The following IGF2BP3 variants were observed in gnomAD, a reference collection of about 807,000 sequenced individuals.
IGF2BP3 encodes insulin-like growth factor 2 mRNA-binding protein 3.
Under a neutral mutation model 73.8 loss-of-function variants are expected in IGF2BP3, and 9 were observed. The ratio of observed to expected loss-of-function variants is 0.12; its 90% CI spans 0.07 to 0.21. The LOEUF (loss-of-function observed/expected upper bound fraction) is 0.21. IGF2BP3 is among the 10% of genes least tolerant of loss of function. The probability of loss-of-function intolerance (pLI) is 1.00; values close to 1 mark genes in which losing one functional copy is unlikely to be tolerated. For synonymous variants in IGF2BP3, 258 were observed against 256.7 expected (o/e 1.01, Z -0.05); for missense variants, 542 against 714.0 (o/e 0.76, Z 2.75).
intron 2 of IGF2BP3, among the ~76,000 whole-genome samples, chr7:23,463,472 G>C (rs1788496449): frequency 6.6e-6 from 1 of 152,188 alleles, no homozygotes; most frequent in African/African-American, 2.4e-5. Flanking sequence ...AAAAACCCCA[G>C]ATCTCTGTAA....
intron 12 of IGF2BP3, among the ~76,000 whole-genome samples, chr7:23,316,212 G>C (rs536679842): frequency 1.3e-5 from 2 of 152,042 alleles, no homozygotes; most frequent in East Asian, 1.9e-4. Context: ...CACCTCCTTC[G>C]TTTCCCATTC....
intron 3 of IGF2BP3, among the ~76,000 whole-genome samples, chr7:23,383,057 ACT>A (rs1455293945): frequency 2.0e-5 from 3 of 152,138 alleles, no homozygotes; most frequent in African/African-American, 7.2e-5. Context: ...ACAGAGCGAG[ACT>A]CTGTCTCAAA....
intron 10 of IGF2BP3, among the ~76,000 whole-genome samples, chr7:23,327,893 G>A (rs1255611623): frequency 6.6e-6 from 1 of 152,120 alleles, no homozygotes; most frequent in Admixed American, 6.5e-5. Flanking sequence ...GAGAGATACT[G>A]ATCACCAACG....
chr7:23,383,007 A>C (rs947207407), intron 3 of IGF2BP3, among the ~76,000 whole-genome samples: 6 of 151,410 alleles, frequency 4.0e-5, no homozygotes, highest in Admixed American at 3.3e-4. Context: ...CAGGAAATAG[A>C]GGTGAGCTAT....
At chr7:23,360,318 T>C (rs1452656245) in intron 5 of IGF2BP3, among the ~76,000 whole-genome samples, 6 of 152,190 alleles carry the variant, frequency 3.9e-5, no homozygotes, top group Non-Finnish European at 7.3e-5. Context: ...CTGCGATTAA[T>C]CAAAGTCATG....
chr7:23,458,446 G>A (rs1418862093), intron 2 of IGF2BP3, among the ~76,000 whole-genome samples: 1 of 151,634 alleles, frequency 6.6e-6, no homozygotes, highest in African/African-American at 2.4e-5. Context: ...GCATGTCAGG[G>A]TCATACAAAA....
chr7:23,389,450 C>T (rs1045478732), intron 3 of IGF2BP3, among the ~76,000 whole-genome samples: 6 of 152,002 alleles, frequency 3.9e-5, no homozygotes, highest in Non-Finnish European at 8.8e-5. Context: ...GGTGAGCCAC[C>T]ATACCCGACT....
chr7:23,393,551 A>G (rs1435290065), intron 3 of IGF2BP3, among the ~76,000 whole-genome samples: 3 of 152,174 alleles, frequency 2.0e-5, no homozygotes, highest in Non-Finnish European at 4.4e-5. Flanking sequence ...AAACAGGCTG[A>G]GAGGGGTCAG....
intron 2 of IGF2BP3, among the ~76,000 whole-genome samples, chr7:23,430,005 A>G (rs1000977075): frequency 6.6e-6 from 1 of 152,156 alleles, no homozygotes; most frequent in African/African-American, 2.4e-5. Flanking sequence ...TATAAGACAG[A>G]TACTGACATA....
At chr7:23,428,528 A>AAT (rs1554334302) in intron 2 of IGF2BP3, among the ~76,000 whole-genome samples, 14 of 146,506 alleles carry the variant, frequency 9.6e-5, no homozygotes, top group Middle Eastern at 3.6e-3. Flanking sequence ...AGAAAAAAAA[A>AAT]ATATATATAT....
At chr7:23,367,660 T>C (rs1785418473) in intron 3 of IGF2BP3, among the ~76,000 whole-genome samples, 1 of 152,102 alleles carries the variant, frequency 6.6e-6, no homozygotes, top group South Asian at 2.1e-4. Flanking sequence ...CCCCGTTATG[T>C]ATTTAGGACG....
At chr7:23,390,470 G>A (rs1786237234) in intron 3 of IGF2BP3, among the ~76,000 whole-genome samples, 1 of 152,138 alleles carries the variant, frequency 6.6e-6, no homozygotes, top group East Asian at 1.9e-4. Context: ...TGAAGCCACT[G>A]AGCTACAGGA....
At chr7:23,313,827 A>G (rs1783899369) in intron 12 of IGF2BP3, among the ~76,000 whole-genome samples, 174 bp from the exon 13 acceptor site, 1 of 152,266 alleles carries the variant, frequency 6.6e-6, no homozygotes, top group South Asian at 2.1e-4. Flanking sequence ...TAAAAGGTTG[A>G]CAATAACTAC....
At chr7:23,453,448 T>C (rs79539233) in intron 2 of IGF2BP3, among the ~76,000 whole-genome samples, 2,417 of 152,316 alleles carry the variant, frequency 0.016, 75 homozygotes, top group African/African-American at 0.055. Context: ...TAATATAGTA[T>C]AACCTAAGAA....
chr7:23,456,630 T>C (rs1788325356), intron 2 of IGF2BP3, among the ~76,000 whole-genome samples: 1 of 152,254 alleles, frequency 6.6e-6, no homozygotes, highest in Admixed American at 6.5e-5. Context: ...TAGAAGAGTG[T>C]GTTCCTACAA....
At position 23,351,442 on chromosome 7, in the gene IGF2BP3, C is replaced by G. The variant is rs757358032; in HGVS notation, c.546G>C (p.Gln182His). 3 of 1,613,580 alleles carry G rather than the reference C, an allele frequency of 1.9e-6. No homozygotes were observed. Among genetic ancestry groups the G allele is most frequent in the Non-Finnish European group, 2.5e-6 (3 of 1,179,850 alleles). ...GCTTGGATACGGATCCTGGAGACCC[C>G]TGCCTTGAGGAGCCCCTCTGCCCAA... is the stretch of plus-strand genomic sequence containing the variant. ...RGLGQRGSSR[Q>H]GSPGSVSKQK... The change falls in exon 6 of 15, where the codon CAG becomes CAC. Residue 182 changes from glutamine (Q) to histidine (H), a missense_variant. Coordinates refer to ENST00000258729, the MANE Select transcript of IGF2BP3 (RefSeq NM_006547.3).
At chr7:23,431,670 C>T (rs1269800530) in intron 2 of IGF2BP3, among the ~76,000 whole-genome samples, 9 of 152,032 alleles carry the variant, frequency 5.9e-5, no homozygotes, top group South Asian at 2.1e-4. Context: ...TCCCCTACAC[C>T]GTAAAATAAA....
chr7:23,416,212 C>T (rs1787185692), intron 3 of IGF2BP3: 1 of 151,882 alleles, frequency 6.6e-6, no homozygotes. Flanking sequence ...TCAAGGCTGC[C>T]CCATTTCCTG....
intron 3 of IGF2BP3, among the ~76,000 whole-genome samples, chr7:23,381,027 G>C (rs150283879): frequency 2.0e-3 from 299 of 152,306 alleles, no homozygotes; most frequent in African/African-American, 5.9e-3. Flanking sequence ...ACTGTGGAAG[G>C]CCATTCACTT....
Sources: gnomAD v4.1 joint callset for allele counts (sites outside exome capture counted in the v4.1 genomes callset) on GRCh38, gnomAD v4.1.1 for gene constraint, MANE v1.5 for transcripts, NCBI Gene and HGNC (gene_info 2026-07-23, HGNC 2026-07-21) for gene names.